RPL36AL: variants seen among roughly 807,000 people sequenced by gnomAD.
RPL36AL encodes the protein ribosomal protein L36a like, also known as ribosomal protein eL42-like.
A neutral mutation model predicts 7.9 loss-of-function variants in RPL36AL; 8 were observed. The ratio of observed to expected loss-of-function variants is 1.02; its 90% CI spans 0.60 to 1.84. RPL36AL has a LOEUF of 1.84. Ranked by LOEUF, RPL36AL falls within the 40% of genes most tolerant of loss-of-function variation. The pLI is 0.00. For synonymous variants in RPL36AL, 44 were observed against 44.8 expected (o/e 0.98, Z 0.07); for missense variants, 76 against 126.8 (o/e 0.60, Z 1.93).
In RPL36AL at chr14:49,618,897, G is replaced by A. The variant is rs771636374; in HGVS notation, c.208C>T (p.Leu70=). ...AKTTKKIVLR[L]ECVEPNCRSK... ...CTGCAGTTAGGCTCAACACATTCCA[G>A]CCTTAGCACAATCTTCTTTGTGGTC... Residue 70 remains leucine (L), a synonymous_variant, in exon 2 of 2, where the codon CTG becomes TTG. Transcript: ENST00000298289. 1.2e-6 allele frequency: 2 copies of A among 1,612,874 alleles called. No individual in the cohort carries two copies. Among genetic ancestry groups the A allele is most frequent in the Non-Finnish European group, 1.7e-6 (2 of 1,179,850 alleles).
In RPL36AL at chr14:49,618,626, A is replaced by T. The variant is rs893780765; in HGVS notation, c.*158T>A. 1.6e-6 allele frequency: 1 copy of T among 615,090 alleles called. No homozygotes were observed. Among genetic ancestry groups the T allele is most frequent in the Non-Finnish European group, 2.8e-6 (1 of 352,310 alleles). 38.1% of individuals were successfully genotyped at this position (615,090 alleles called of 1,614,324 possible). Reference sequence around the variant, plus strand: ...TTCATACATATATAAACTTGTTAGTAAAGTTTGAGGTGGGACTACACTAAA... The same window carrying T: ...TTCATACATATATAAACTTGTTAGTTAAGTTTGAGGTGGGACTACACTAAA... On this transcript the variant is annotated 3_prime_UTR_variant, in exon 2 of 2. Transcript: ENST00000298289.
intron 1 of RPL36AL, among the ~76,000 whole-genome samples, chr14:49,620,061 G>C (rs988361503): frequency 6.6e-6 from 1 of 152,142 alleles, no homozygotes; most frequent in African/African-American, 2.4e-5. Context: ...GCTTTAGGAG[G>C]CCCAATACAG....
chr14:49,620,462 TAGG>T (rs2139564151), intron 1 of RPL36AL, 97 bp downstream of exon 1: 1 of 153,066 alleles, frequency 6.5e-6, no homozygotes, highest in African/African-American at 2.4e-5. Flanking sequence ...GCGAGGGCCA[TAGG>T]TCTCGCCTTC....
In RPL36AL at chr14:49,619,061, C is replaced by T; in HGVS notation, c.44G>A (p.Cys15Tyr). The T allele has an allele frequency of 1.2e-6, 2 of 1,613,768 alleles. No homozygotes were observed. The highest frequency in any genetic ancestry group is 1.7e-6 in the Non-Finnish European group (2 of 1,179,682). Reference sequence around the variant, plus strand: ...CACTTTGTGAGGCTGATGCTTGCCACACTTCTTACAGAAGGTTCTTCGGGT... The same window carrying T: ...CACTTTGTGAGGCTGATGCTTGCCATACTTCTTACAGAAGGTTCTTCGGGT... Reference protein sequence around the residue: ...PKTRRTFCKKCGKHQPHKVTQ... With the variant: ...PKTRRTFCKKYGKHQPHKVTQ... The change falls in exon 2 of 2, where the codon TGT becomes TAT. Residue 15 changes from cysteine to tyrosine, a missense_variant. Coordinates refer to ENST00000298289, the MANE Select transcript of RPL36AL (RefSeq NM_001001.5).
rs373714142 is a variant in RPL36AL, at chr14:49,619,066, C to T, written c.39G>A (p.Lys13=). The change falls in exon 2 of 2, where the codon AAG becomes AAA. Residue 13 remains lysine (K), a synonymous_variant. Coordinates refer to ENST00000298289, the MANE Select transcript of RPL36AL (RefSeq NM_001001.5). ...TGTGAGGCTGATGCTTGCCACACTTCTTACAGAAGGTTCTTCGGGTTTTAG... is the reference window on the plus strand; with the variant it reads ...TGTGAGGCTGATGCTTGCCACACTTTTTACAGAAGGTTCTTCGGGTTTTAG... The part of the protein sequence containing the change: ...NVPKTRRTFC[K]KCGKHQPHKV... The T allele has an allele frequency of 1.2e-5, 19 of 1,613,290 alleles. No homozygotes were observed. Among genetic ancestry groups the T allele is most frequent in the Middle Eastern group, 1.6e-4 (1 of 6,078 alleles).
Position 49,619,177 on chromosome 14 carries a change from A to G in RPL36AL, c.-36-37T>C. 3 of 1,382,310 alleles carry G rather than the reference A, an allele frequency of 2.2e-6. No homozygotes were observed. The South Asian group carries it at 4.2e-5, about 19-fold the overall frequency. 85.6% of individuals were successfully genotyped at this position (1,382,310 alleles called of 1,614,324 possible). ...TATTTAAAATAAGATAGCAGACGTT[A>G]AACATTCCGAAAAGTGAAAGTGCTA... On this transcript the variant is annotated intron_variant, in intron 1 of 1. Coordinates refer to ENST00000298289, the MANE Select transcript of RPL36AL (RefSeq NM_001001.5).
intron 1 of RPL36AL, among the ~76,000 whole-genome samples, chr14:49,619,559 G>A (rs868545800): frequency 1.3e-5 from 2 of 152,144 alleles, no homozygotes; most frequent in Middle Eastern, 3.4e-3. Context: ...GGTGGGGAGG[G>A]GCGGAGGTTG....
Position 49,618,911 on chromosome 14 carries a change from T to C in RPL36AL, c.194A>G (p.Lys65Arg), listed in dbSNP as rs1313813769. The change falls in exon 2 of 2, where the codon AAG (lysine) becomes AGG (arginine). Residue 65 changes from lysine (K) to arginine (R), a missense_variant. By Grantham distance (26) the Lys-to-Arg change is conservative. Coordinates refer to ENST00000298289, the MANE Select transcript of RPL36AL (RefSeq NM_001001.5). ...AACACATTCCAGCCTTAGCACAATC[T>C]TCTTTGTGGTCTTAGCCTTCTTCCG... The part of the protein sequence containing the change: ...IFRKKAKTTK[K>R]IVLRLECVEP... 1.9e-6 allele frequency: 3 copies of C among 1,613,272 alleles called. No individual in the cohort carries two copies. Among genetic ancestry groups the C allele is most frequent in the Admixed American group, 1.7e-5 (1 of 60,012 alleles).
intron 1 of RPL36AL, among the ~76,000 whole-genome samples, chr14:49,620,002 ATTC>A (rs1372083391): frequency 1.3e-5 from 2 of 152,160 alleles, no homozygotes; most frequent in South Asian, 2.1e-4. Context: ...GCTCCGAGCC[ATTC>A]TTCTTTTCTC....
At chr14:49,619,867 G>A (rs532672116) in intron 1 of RPL36AL, among the ~76,000 whole-genome samples, 3 of 152,278 alleles carry the variant, frequency 2.0e-5, no homozygotes, top group African/African-American at 4.8e-5. Flanking sequence ...CAGGAACGCG[G>A]ACATAATGGG....
In RPL36AL at chr14:49,618,689, T is replaced by G; in HGVS notation, c.*95A>C. ...TTTATAAGTAAAAACCACAAAAAGT[T>G]TGCGTAAGAATATCACTGTATTTAT... On this transcript the variant is annotated 3_prime_UTR_variant, in exon 2 of 2. Transcript: ENST00000298289. 9.9e-7 allele frequency: 1 copy of G among 1,014,738 alleles called. No homozygotes were observed. Among genetic ancestry groups the G allele is most frequent in the South Asian group, 1.6e-5 (1 of 63,900 alleles). The allele number at this position is 1,014,738 out of a possible 1,614,324, so 62.9% of individuals were successfully genotyped here. A position where few individuals can be genotyped will look rare whatever the true frequency, so the allele number is the denominator to read the frequency against.
In RPL36AL at chr14:49,618,671, G is replaced by T; in HGVS notation, c.*113C>A. 1 of 844,614 alleles carries T rather than the reference G, an allele frequency of 1.2e-6. No homozygotes were observed. The allele number at this position is 844,614 out of a possible 1,614,324, so 52.3% of individuals were successfully genotyped here. ...ACTAAACATGGAATTCTATTTATAAGTAAAAACCACAAAAAGTTTGCGTAA... is the reference window on the plus strand; with the variant it reads ...ACTAAACATGGAATTCTATTTATAATTAAAAACCACAAAAAGTTTGCGTAA... On this transcript the variant is annotated 3_prime_UTR_variant, in exon 2 of 2. Coordinates refer to ENST00000298289, the MANE Select transcript of RPL36AL (RefSeq NM_001001.5).
chr14:49,619,276 G>C (rs1189416971), intron 1 of RPL36AL, 136 bp from the exon 2 acceptor site: 1 of 597,848 alleles, frequency 1.7e-6, no homozygotes, highest in Non-Finnish European at 2.9e-6. Flanking sequence ...TTTTCCATAT[G>C]AATAAACGCA....
intron 1 of RPL36AL, among the ~76,000 whole-genome samples, chr14:49,619,662 A>T (rs763614053): frequency 1.3e-5 from 2 of 152,206 alleles, no homozygotes; most frequent in Admixed American, 6.5e-5. Flanking sequence ...CACAATTCAT[A>T]TAAGTAGAAT....
At chr14:49,619,467 G>C (rs1003705196) in intron 1 of RPL36AL, among the ~76,000 whole-genome samples, 4 of 151,624 alleles carry the variant, frequency 2.6e-5, no homozygotes, top group African/African-American at 9.7e-5. Flanking sequence ...GACCAACATG[G>C]AGAAACCCCG....
rs1412912784 is a variant in RPL36AL at position 49,620,619 on chromosome 14, C to G, written c.-94G>C. The stretch of plus-strand genomic sequence containing the variant: ...AGCTCTCGCCTTTCGCAGCTCTCGC[C>G]TAACAGGAAAGGGAAGAAACAGGCG... On this transcript the variant is annotated 5_prime_UTR_variant, in exon 1 of 2. Coordinates refer to ENST00000298289, the MANE Select transcript of RPL36AL (RefSeq NM_001001.5). 3 of 254,010 alleles carry G rather than the reference C, an allele frequency of 1.2e-5. No homozygotes were observed. The South Asian group carries it at 2.8e-4, about 24-fold the overall frequency. 15.7% of individuals were successfully genotyped at this position (254,010 alleles called of 1,614,324 possible).
chr14:49,619,185 C>G, intron 1 of RPL36AL, 45 bp from the exon 2 acceptor site: 1 of 1,334,720 alleles, frequency 7.5e-7, no homozygotes, highest in Non-Finnish European at 1.0e-6. Flanking sequence ...TTAAACATTC[C>G]GAAAAGTGAA....
chr14:49,619,166 T>A, intron 1 of RPL36AL, 26 bp from the exon 2 acceptor site: 1 of 1,453,632 alleles, frequency 6.9e-7, no homozygotes, highest in Non-Finnish European at 9.3e-7. Context: ...TAAAATAAGA[T>A]AGCAGACGTT....
At position 49,618,639 on chromosome 14, in the gene RPL36AL, G is replaced by C; in HGVS notation, c.*145C>G. The stretch of plus-strand genomic sequence containing the variant: ...AAACTTGTTAGTAAAGTTTGAGGTG[G>C]GACTACACTAAACATGGAATTCTAT... On this transcript the variant is annotated 3_prime_UTR_variant, in exon 2 of 2. Transcript: ENST00000298289. The C allele has an allele frequency of 1.6e-6, 1 of 636,258 alleles. No individual in the cohort carries two copies. Among genetic ancestry groups the C allele is most frequent in the Non-Finnish European group, 2.7e-6 (1 of 367,966 alleles). 39.4% of individuals were successfully genotyped at this position (636,258 alleles called of 1,614,324 possible). A position where few individuals can be genotyped will look rare whatever the true frequency, so the allele number is the denominator to read the frequency against.
Sources: gnomAD v4.1 joint callset for allele counts (sites outside exome capture counted in the v4.1 genomes callset) on GRCh38, gnomAD v4.1.1 for gene constraint, MANE v1.5 for transcripts, NCBI Gene and HGNC (gene_info 2026-07-23, HGNC 2026-07-21) for gene names.